The following PLPPR2 variants were observed in gnomAD, a reference collection of about 807,000 sequenced individuals.
PLPPR2 encodes phospholipid phosphatase-related protein type 2.
A neutral mutation model predicts 40.3 loss-of-function variants in PLPPR2; 11 were observed. The ratio of observed to expected loss-of-function variants is 0.27; its 90% CI spans 0.17 to 0.45. PLPPR2 has a LOEUF of 0.45. PLPPR2 is among the 20% of genes least tolerant of loss of function. The pLI, the probability that PLPPR2 is intolerant of heterozygous loss-of-function variation, is 1.00. For missense variants in PLPPR2, 497 were observed against 640.7 expected, an observed-to-expected ratio of 0.78 and a Z score of 2.42; for synonymous variants, 260 against 290.8, an observed-to-expected ratio of 0.89 and a Z score of 1.08.
intron 5 of PLPPR2, 70 bp downstream of exon 5, chr19:11,360,026 G>C: frequency 6.7e-7 from 1 of 1,493,856 alleles, no homozygotes; most frequent in East Asian, 2.3e-5. Flanking sequence ...AAAGAGTCAT[G>C]GGCCTGACAG....
In PLPPR2 at chr19:11,359,927, C is replaced by A; in HGVS notation, c.362C>A (p.Pro121His). ...TCTGGGGCCTGCTGCCGCTTCAGCC[C>A]CCCAGTGCGGAGGCTGGTCCGCTTC... ...IVSGACCRFSPPVRRLVRFLG... is the reference protein window; with the variant it reads ...IVSGACCRFSHPVRRLVRFLG... Residue 121 changes from proline to histidine, a missense_variant, in exon 5 of 10, where the codon CCC becomes CAC. By Grantham distance (77) the Pro-to-His change is moderately conservative. Coordinates refer to ENST00000688289, the MANE Select transcript of PLPPR2 (RefSeq NM_001393892.1). The surrounding 1 kb of genome is among the most constrained non-coding windows in gnomAD (Gnocchi z 5.6). The A allele has an allele frequency of 6.2e-7, 1 of 1,611,782 alleles. No homozygotes were observed. The highest frequency in any genetic ancestry group is 8.5e-7 in the Non-Finnish European group (1 of 1,178,832).
chr19:11,357,885 T>A, intron 3 of PLPPR2, 146 bp downstream of exon 3: 1 of 629,702 alleles, frequency 1.6e-6, no homozygotes, highest in Non-Finnish European at 2.6e-6. Flanking sequence ...GAGCTTAGAT[T>A]CAGAAGTGCC....
At position 11,363,235 on chromosome 19, in the gene PLPPR2, C is replaced by T. The variant is rs921466158; in HGVS notation, c.841-478C>T. Among the ~76,000 whole-genome samples the T allele has an allele frequency of 1.3e-5, 2 of 149,800 alleles. No homozygotes were observed. Among genetic ancestry groups the T allele is most frequent in the Admixed American group, 6.7e-5 (1 of 14,906 alleles). ...GACGGAGGTTGCAGTGAACTGAGATCGTGCCACCTCACTCCAGCCTGGGTG... is the reference window on the plus strand; with the variant it reads ...GACGGAGGTTGCAGTGAACTGAGATTGTGCCACCTCACTCCAGCCTGGGTG... On this transcript the variant is annotated intron_variant, in intron 7 of 9. Transcript: ENST00000688289. The surrounding 1 kb of genome is among the most constrained non-coding windows in gnomAD (Gnocchi z 4.8).
In PLPPR2 at chr19:11,359,227, G is replaced by A. The variant is rs556990512; in HGVS notation, c.67-305G>A. On this transcript the variant is annotated intron_variant, in intron 3 of 9. Transcript: ENST00000688289. The surrounding 1 kb of genome is among the most constrained non-coding windows in gnomAD (Gnocchi z 5.6). ...AGGTCATGCGATCTCAAACTCCTGA[G>A]CTCAAGGGATCCTCTTGCCTATGCC... Among the ~76,000 whole-genome samples, 9 of 151,812 alleles carry A rather than the reference G, an allele frequency of 5.9e-5. No homozygotes were observed. The highest frequency in any genetic ancestry group is 5.9e-4 in the Admixed American group (9 of 15,222).
rs543742675 is a variant in PLPPR2, at chr19:11,363,781, C to A, written c.909C>A (p.Asp303Glu). The A allele has an allele frequency of 3.7e-6, 6 of 1,614,206 alleles. No homozygotes were observed. In the African/African-American group the frequency reaches 6.7e-5, roughly 18 times the overall value. The change falls in exon 8 of 10, where the codon GAC becomes GAA. Residue 303 changes from aspartate to glutamate, a missense_variant. Coordinates refer to ENST00000688289, the MANE Select transcript of PLPPR2 (RefSeq NM_001393892.1). The surrounding 1 kb of genome is among the most constrained non-coding windows in gnomAD (Gnocchi z 4.8). Reference sequence around the variant, plus strand: ...GCCGAAGGCTCTCTCCCTGGGAGGACCTGGGCCAAGCCCCCACCATGGATA... The same window carrying A: ...GCCGAAGGCTCTCTCCCTGGGAGGAACTGGGCCAAGCCCCCACCATGGATA... Reference protein sequence around the residue: ...PSGRRLSPWEDLGQAPTMDSP... With the variant: ...PSGRRLSPWEELGQAPTMDSP...
Position 11,363,846 on chromosome 19 carries a change from C to T in PLPPR2, c.963+11C>T. ...TTAAGTGTGGCGCAGGTAAGGGGGG[C>T]CGGGGGCTGCTCCCGGCTGGAGAGG... On this transcript the variant is annotated intron_variant, in intron 8 of 9. Transcript: ENST00000688289. The surrounding 1 kb of genome is among the most constrained non-coding windows in gnomAD (Gnocchi z 4.8). 1 of 1,611,138 alleles carries T rather than the reference C, an allele frequency of 6.2e-7. No homozygotes were observed. Among genetic ancestry groups the T allele is most frequent in the African/African-American group, 1.3e-5 (1 of 74,936 alleles).
Position 11,363,022 on chromosome 19 carries a change from G to A in PLPPR2, c.840+333G>A, listed in dbSNP as rs372950793. ...ATAAAGATGAATCAAGGCTGGGTGC[G>A]GTGGCTCACGCCTGTAATCCCAGCA... On this transcript the variant is annotated intron_variant, in intron 7 of 9. Coordinates refer to ENST00000688289, the MANE Select transcript of PLPPR2 (RefSeq NM_001393892.1). This position sits in a 1 kb window ranked among gnomAD's most constrained non-coding sequence, Gnocchi z 4.8. Among the ~76,000 whole-genome samples the A allele has an allele frequency of 2.6e-5, 4 of 152,070 alleles. No individual in the cohort carries two copies. The highest frequency in any genetic ancestry group is 4.8e-5 in the African/African-American group (2 of 41,402).
Position 11,362,328 on chromosome 19 carries a change from C to CG in PLPPR2, c.664-185_664-184insG. On this transcript the variant is annotated intron_variant, in intron 6 of 9. Coordinates refer to ENST00000688289, the MANE Select transcript of PLPPR2 (RefSeq NM_001393892.1). The surrounding 1 kb of genome is among the most constrained non-coding windows in gnomAD (Gnocchi z 5.3). ...AAGACCTCAATCCCTGACCCCCCCC[C>CG]CTTTGCCTTTTTGGTCACGCTCCCT... 2 of 582,422 alleles carry CG rather than the reference C, an allele frequency of 3.4e-6. No individual in the cohort carries two copies. The highest frequency in any genetic ancestry group is 4.1e-5 in the South Asian group (2 of 49,336). 36.1% of individuals were successfully genotyped at this position (582,422 alleles called of 1,614,324 possible). A position where few individuals can be genotyped will look rare whatever the true frequency, so the allele number is the denominator to read the frequency against.
Position 11,359,843 on chromosome 19 carries a change from G to A in PLPPR2, c.278G>A (p.Arg93His), listed in dbSNP as rs145102667. ...TLTILLGELA[R>H]AFFPAPPSAV... Reference sequence around the variant, plus strand: ...CAGATCCTGCTGGGAGAGCTGGCGCGTGCCTTTTTCCCTGCACCACCTTCA... The same window carrying A: ...CAGATCCTGCTGGGAGAGCTGGCGCATGCCTTTTTCCCTGCACCACCTTCA... Residue 93 changes from arginine to histidine, a missense_variant, in exon 5 of 10, where the codon CGT becomes CAT. By Grantham distance (29) the Arg-to-His change is conservative. Transcript: ENST00000688289. This position sits in a 1 kb window ranked among gnomAD's most constrained non-coding sequence, Gnocchi z 5.6. 89 of 1,613,082 alleles carry A rather than the reference G, an allele frequency of 5.5e-5. No homozygotes were observed. Among genetic ancestry groups the A allele is most frequent in the South Asian group, 3.6e-4 (33 of 90,928 alleles).
rs760771502 is a variant in PLPPR2, at chr19:11,364,142, G to A, written c.964-19G>A. The A allele has an allele frequency of 9.3e-6, 15 of 1,606,818 alleles. No individual in the cohort carries two copies. The highest frequency in any genetic ancestry group is 2.7e-5 in the African/African-American group (2 of 74,714). On this transcript the variant is annotated intron_variant, in intron 8 of 9. Transcript: ENST00000688289. The surrounding 1 kb of genome is among the most constrained non-coding windows in gnomAD (Gnocchi z 5.8). ...GCCCAGGGGGCCACTAGCCCCTTCC[G>A]TCTGTCTCTTTGTCTCAGGAACCCG... is the stretch of plus-strand genomic sequence containing the variant.
chr19:11,359,204 G>A lies in PLPPR2; in HGVS notation c.67-328G>A, dbSNP rs1967976457. On this transcript the variant is annotated intron_variant, in intron 3 of 9. Coordinates refer to ENST00000688289, the MANE Select transcript of PLPPR2 (RefSeq NM_001393892.1). The surrounding 1 kb of genome is among the most constrained non-coding windows in gnomAD (Gnocchi z 5.6). ...GGGACTATAGTTGTACAGAGATAAG[G>A]TCATGCGATCTCAAACTCCTGAGCT... Among the ~76,000 whole-genome samples, 2 of 151,564 alleles carry A rather than the reference G, an allele frequency of 1.3e-5. No individual in the cohort carries two copies. The highest frequency in any genetic ancestry group is 1.5e-5 in the Non-Finnish European group (1 of 67,900).
chr19:11,362,376 T>A lies in PLPPR2; in HGVS notation c.664-137T>A. The A allele has an allele frequency of 2.4e-6, 2 of 848,816 alleles. No individual in the cohort carries two copies. Among genetic ancestry groups the A allele is most frequent in the Non-Finnish European group, 3.5e-6 (2 of 572,302 alleles). The allele number at this position is 848,816 out of a possible 1,614,324, so 52.6% of individuals were successfully genotyped here. On this transcript the variant is annotated intron_variant, in intron 6 of 9. Coordinates refer to ENST00000688289, the MANE Select transcript of PLPPR2 (RefSeq NM_001393892.1). This position sits in a 1 kb window ranked among gnomAD's most constrained non-coding sequence, Gnocchi z 5.3. ...CCTGGAAAAGCCCACTGGGAGCCCATGACTCCAACCCTGGAGCCCCTGGCC... is the reference window on the plus strand; with the variant it reads ...CCTGGAAAAGCCCACTGGGAGCCCAAGACTCCAACCCTGGAGCCCCTGGCC...
chr19:11,357,870 GT>G, intron 3 of PLPPR2, 131 bp downstream of exon 3: 1 of 682,440 alleles, frequency 1.5e-6, no homozygotes, highest in Non-Finnish European at 2.3e-6. Context: ...TTGAGAAATG[GT>G]TATGAGCTTA....
At position 11,363,106 on chromosome 19, in the gene PLPPR2, C is replaced by T. The variant is rs1343949673; in HGVS notation, c.840+417C>T. ...GCCAAGAGTTCGAGACCAGCCTGGTCAACATGGCCAAACCCTGTCCCTGCT... is the reference window on the plus strand; with the variant it reads ...GCCAAGAGTTCGAGACCAGCCTGGTTAACATGGCCAAACCCTGTCCCTGCT... On this transcript the variant is annotated intron_variant, in intron 7 of 9. Coordinates refer to ENST00000688289, the MANE Select transcript of PLPPR2 (RefSeq NM_001393892.1). The surrounding 1 kb of genome is among the most constrained non-coding windows in gnomAD (Gnocchi z 4.8). Among the ~76,000 whole-genome samples, 4 of 152,064 alleles carry T rather than the reference C, an allele frequency of 2.6e-5. No individual in the cohort carries two copies. Among genetic ancestry groups the T allele is most frequent in the African/African-American group, 9.7e-5 (4 of 41,398 alleles).
In PLPPR2 at chr19:11,363,748, A is replaced by G. The variant is rs145214780; in HGVS notation, c.876A>G (p.Pro292=). The G allele has an allele frequency of 4.2e-4, 672 of 1,614,046 alleles. 2 individuals are homozygous for G. In the African/African-American group the frequency reaches 8.1e-3, roughly 20 times the overall value. ...TCVVHNFQSR[P]PSGRRLSPWE... ...TTGTGCATAACTTTCAGAGCCGGCC[A>G]CCCTCTGGCCGAAGGCTCTCTCCCT... The change falls in exon 8 of 10, where the codon CCA becomes CCG. Residue 292 remains proline (P), a synonymous_variant. Coordinates refer to ENST00000688289, the MANE Select transcript of PLPPR2 (RefSeq NM_001393892.1). The surrounding 1 kb of genome is among the most constrained non-coding windows in gnomAD (Gnocchi z 4.8).
chr19:11,359,489 TC>T lies in PLPPR2; in HGVS notation c.67-42del, dbSNP rs1967983668. 1 of 1,498,178 alleles carries T rather than the reference TC, an allele frequency of 6.7e-7. No homozygotes were observed. The highest frequency in any genetic ancestry group is 1.4e-5 in the South Asian group (1 of 72,542). 92.8% of individuals were successfully genotyped at this position (1,498,178 alleles called of 1,614,324 possible). On this transcript the variant is annotated intron_variant, in intron 3 of 9. Coordinates refer to ENST00000688289, the MANE Select transcript of PLPPR2 (RefSeq NM_001393892.1). This position sits in a 1 kb window ranked among gnomAD's most constrained non-coding sequence, Gnocchi z 5.6. ...GCCTCAGCTGGAGTCCTGACCTCTC[TC>T]TTCTCTCTCCGCCACCTCTCCCCGC...
chr19:11,356,296 T>C (rs1243676402), intron 1 of PLPPR2, among the ~76,000 whole-genome samples: 2 of 151,982 alleles, frequency 1.3e-5, no homozygotes, highest in South Asian at 2.1e-4. Context: ...CTGTGATGAG[T>C]TCTGTGACCC....
intron 2 of PLPPR2, 37 bp from the exon 3 acceptor site, chr19:11,357,623 A>AC: frequency 6.6e-7 from 1 of 1,514,268 alleles, no homozygotes; most frequent in South Asian, 1.2e-5. Context: ...CCCTAGGCAC[A>AC]CCCCCTGGGA....
In PLPPR2 at chr19:11,364,809, T is replaced by G; in HGVS notation, c.*119T>G. Reference sequence around the variant, plus strand: ...CCCCCAAGCCAGCCAGACCCAGACATTAGAAGATGGCTAGAAGGACATTTA... The same window carrying G: ...CCCCCAAGCCAGCCAGACCCAGACAGTAGAAGATGGCTAGAAGGACATTTA... On this transcript the variant is annotated 3_prime_UTR_variant, in exon 10 of 10. Transcript: ENST00000688289. The surrounding 1 kb of genome is among the most constrained non-coding windows in gnomAD (Gnocchi z 5.8). 8.7e-7 allele frequency: 1 copy of G among 1,146,222 alleles called. No homozygotes were observed. The highest frequency in any genetic ancestry group is 1.5e-5 in the South Asian group (1 of 68,366). 71.0% of individuals were successfully genotyped at this position (1,146,222 alleles called of 1,614,324 possible).
Sources: allele counts gnomAD v4.1 joint callset (sites outside exome capture counted in the v4.1 genomes callset), GRCh38; gene constraint gnomAD v4.1.1; non-coding constraint Gnocchi (gnomAD v3.1); transcripts MANE v1.5; gene names NCBI Gene and HGNC (gene_info 2026-07-23, HGNC 2026-07-21).